Variants in BICDL1 observed in about 807,000 individuals in gnomAD.
The protein encoded by BICDL1 is BICD family-like cargo adapter 1.
In BICDL1, 20 loss-of-function variants were observed where a neutral mutation model predicts 76.8. The ratio of observed to expected loss-of-function variants is 0.26; its 90% CI spans 0.18 to 0.38. The LOEUF is 0.38. BICDL1 is among the 10% of genes least tolerant of loss of function. The probability of loss-of-function intolerance (pLI) is 1.00; values close to 1 mark genes in which losing one functional copy is unlikely to be tolerated. For synonymous variants in BICDL1, 383 were observed against 337.1 expected (o/e 1.14, Z -1.49); for missense variants, 700 against 798.6 (o/e 0.88, Z 1.49).
At chr12:120,039,504 G>T (rs1952592584) in intron 2 of BICDL1, among the ~76,000 whole-genome samples, 1 of 150,850 alleles carries the variant, frequency 6.6e-6, no homozygotes, top group Non-Finnish European at 1.5e-5. Context: ...TGGGCGTGGT[G>T]GTGCATGCCG....
chr12:119,992,862 T>G (rs1171885684), intron 1 of BICDL1: 1 of 152,210 alleles, frequency 6.6e-6, no homozygotes, highest in Non-Finnish European at 1.5e-5. Context: ...GTGAGTGGAC[T>G]GAGGGAATGC....
At chr12:120,035,863 C>T (rs1395667703) in intron 2 of BICDL1, among the ~76,000 whole-genome samples, 1 of 152,102 alleles carries the variant, frequency 6.6e-6, no homozygotes, top group Non-Finnish European at 1.5e-5. Context: ...TCATTCCTTT[C>T]CTTTGCTTTA....
intron 9 of BICDL1, 109 bp downstream of exon 9, chr12:120,090,180 G>A: frequency 7.8e-7 from 1 of 1,288,142 alleles, no homozygotes. Flanking sequence ...GTGACTGGGT[G>A]AACAGCACAT....
intron 7 of BICDL1, among the ~76,000 whole-genome samples, chr12:120,077,563 T>C (rs1259083226): frequency 1.3e-5 from 2 of 152,158 alleles, no homozygotes; most frequent in Non-Finnish European, 2.9e-5. Context: ...GTTGTTTGGA[T>C]CCTTCATGCT....
At chr12:120,066,490 C>CA (rs1566255664) in intron 4 of BICDL1, among the ~76,000 whole-genome samples, 1 of 152,110 alleles carries the variant, frequency 6.6e-6, no homozygotes, top group Non-Finnish European at 1.5e-5. Context: ...AGTATGCCTT[C>CA]AGGGGCCTGA....
At chr12:120,089,918 T>C in intron 8 of BICDL1, 33 bp from the exon 9 acceptor site, 3 of 1,611,066 alleles carry the variant, frequency 1.9e-6, no homozygotes, top group Non-Finnish European at 2.5e-6. Context: ...TGGCACAAGG[T>C]GTCCATGTTC....
intron 2 of BICDL1, among the ~76,000 whole-genome samples, chr12:120,055,167 A>G (rs749906388): frequency 5.3e-5 from 8 of 152,198 alleles, no homozygotes; most frequent in Non-Finnish European, 1.0e-4. Context: ...CTCTTAAGGT[A>G]AAACTCAATT....
chr12:120,087,535 G>T (rs1380121250), intron 8 of BICDL1, among the ~76,000 whole-genome samples: 1 of 152,222 alleles, frequency 6.6e-6, no homozygotes, highest in Non-Finnish European at 1.5e-5. Flanking sequence ...CTCTGCAGGC[G>T]GATCCTCTAG....
At chr12:120,061,859 G>A in intron 3 of BICDL1, 33 bp downstream of exon 3, 2 of 1,522,856 alleles carry the variant, frequency 1.3e-6, no homozygotes, top group Non-Finnish European at 1.8e-6. Flanking sequence ...GCTGGAAGGT[G>A]GAGTGCTTTT....
rs1270384516 is a variant in BICDL1, at chr12:120,089,302, GT to G, written c.1584-648del. On this transcript the variant is annotated intron_variant, in intron 8 of 9. Coordinates refer to ENST00000548673, the MANE Select transcript of BICDL1 (RefSeq NM_001367886.1). ...TGTGTGTGTGTGTATGTGTGTGTGT[GT>G]GGGGTGTGACGGAGTTCTGCTCTTT... Among the ~76,000 whole-genome samples, 679 of 128,698 alleles carry G rather than the reference GT, an allele frequency of 5.3e-3. 6 individuals are homozygous for G. The highest frequency in any genetic ancestry group is 0.026 in the African/African-American group (646 of 24,984). 84.4% of individuals were successfully genotyped at this position (128,698 alleles called of 152,430 possible). A position where few individuals can be genotyped will look rare whatever the true frequency, so the allele number is the denominator to read the frequency against.
intron 2 of BICDL1, among the ~76,000 whole-genome samples, chr12:120,039,657 A>AG (rs1371810330): frequency 9.3e-5 from 14 of 151,272 alleles, no homozygotes; most frequent in African/African-American, 3.2e-4. Flanking sequence ...AAAAAAAAAA[A>AG]AAAGAAAAGG....
rs71072590 is a variant in BICDL1 at position 120,008,150 on chromosome 12, CTTTTTTTTTTTTT to C, written c.645+9428_645+9440del. ...ATGGAAGTCATGATAATTACTCTTT[CTTTTTTTTTTTTT>C]TTTTTTTTTTTTTGAGACAGGATCT... is the stretch of plus-strand genomic sequence containing the variant. On this transcript the variant is annotated intron_variant, in intron 2 of 9. Coordinates refer to ENST00000548673, the MANE Select transcript of BICDL1 (RefSeq NM_001367886.1). 1.3e-3 allele frequency among the ~76,000 whole-genome samples: 83 copies of C among 61,732 alleles called. 1 individual carries two copies. Among genetic ancestry groups the C allele is most frequent in the African/African-American group, 5.6e-3 (81 of 14,338 alleles). 40.5% of individuals were successfully genotyped at this position (61,732 alleles called of 152,430 possible).
intron 2 of BICDL1, among the ~76,000 whole-genome samples, chr12:120,008,306 A>G (rs978864754): frequency 2.0e-5 from 3 of 151,764 alleles, no homozygotes; most frequent in African/African-American, 7.3e-5. Context: ...CTACAGCTGT[A>G]AGCCACCATT....
chr12:120,016,915 C>T (rs1021204423), intron 2 of BICDL1, among the ~76,000 whole-genome samples: 11 of 152,144 alleles, frequency 7.2e-5, no homozygotes, highest in Admixed American at 2.0e-4. Context: ...TTTTTTGAGA[C>T]GGAGTCTCGC....
At chr12:119,997,492 C>T (rs191448569) in intron 1 of BICDL1, among the ~76,000 whole-genome samples, 27 of 152,254 alleles carry the variant, frequency 1.8e-4, no homozygotes, top group African/African-American at 5.8e-4. Flanking sequence ...AATAAATATA[C>T]AAGGCTTAAT....
chr12:120,090,085 TGAGATCCAGGGC>T lies in BICDL1; in HGVS notation c.1704+19_1704+30del, dbSNP rs1164630496. 1 of 1,612,972 alleles carries T rather than the reference TGAGATCCAGGGC, an allele frequency of 6.2e-7. No individual in the cohort carries two copies. The highest frequency in any genetic ancestry group is 2.2e-5 in the East Asian group (1 of 44,864). On this transcript the variant is annotated intron_variant, in intron 9 of 9. Coordinates refer to ENST00000548673, the MANE Select transcript of BICDL1 (RefSeq NM_001367886.1). ...GAAGCTTGGCAGGTAAACTGGAGCC[TGAGATCCAGGGC>T]GAGAGGAGACTCCAGGAGGAATCTC... is the stretch of plus-strand genomic sequence containing the variant.
At chr12:120,029,413 G>A (rs1027675051) in intron 2 of BICDL1, among the ~76,000 whole-genome samples, 6 of 151,994 alleles carry the variant, frequency 3.9e-5, no homozygotes, top group Middle Eastern at 3.4e-3. Context: ...TTTTAACTTG[G>A]TTGCCATTCA....
At chr12:120,091,813 G>C in intron 9 of BICDL1, 2 of 985,408 alleles carry the variant, frequency 2.0e-6, no homozygotes, top group Non-Finnish European at 2.4e-6. Context: ...GAGTGGACAA[G>C]CTGCTCAGAT....
At chr12:120,090,246 A>G in intron 9 of BICDL1, 175 bp downstream of exon 9, 1 of 673,580 alleles carries the variant, frequency 1.5e-6, no homozygotes, top group Non-Finnish European at 2.4e-6. Flanking sequence ...TTGGGGAAGA[A>G]TGCTTAAGGA....
Sources: allele counts gnomAD v4.1 joint callset (sites outside exome capture counted in the v4.1 genomes callset), GRCh38; gene constraint gnomAD v4.1.1; transcripts MANE v1.5; gene names NCBI Gene and HGNC (gene_info 2026-07-23, HGNC 2026-07-21).